Variants in FAM25A observed in about 807,000 individuals in gnomAD.
FAM25A encodes protein FAM25A.
In FAM25A, 5 loss-of-function variants were observed where a neutral mutation model predicts 6.6. The observed-to-expected ratio is 0.75, with a 90% CI of 0.39 to 1.59. FAM25A has a LOEUF of 1.59. Among genes scored for constraint, FAM25A ranks in the 40% most tolerant of loss-of-function variants. FAM25A has a pLI of 0.02. For synonymous variants in FAM25A, 36 were observed against 41.3 expected (o/e 0.87, Z 0.49); for missense variants, 93 against 109.7 (o/e 0.85, Z 0.68).
Position 87,022,365 on chromosome 10 carries a change from C to A in FAM25A, c.125C>A (p.Thr42Asn). Residue 42 changes from threonine (T) to asparagine (N), a missense_variant, in exon 2 of 3, where the codon ACT (threonine) becomes AAT (asparagine). Physicochemically the swap from Thr to Asn is moderately conservative, Grantham distance 65 (BLOSUM62 0). Coordinates refer to ENST00000343959, the MANE Select transcript of FAM25A (RefSeq NM_001146157.3). ...VKEVVGHAKE[T>N]GEKAIAEAIK... ...GAGGTGGTGGGACACGCCAAGGAGACTGGAGAGAAAGGTACAGCTGGCTGA... is the reference window on the plus strand; with the variant it reads ...GAGGTGGTGGGACACGCCAAGGAGAATGGAGAGAAAGGTACAGCTGGCTGA... The A allele has an allele frequency of 6.5e-7, 1 of 1,548,530 alleles. No individual in the cohort carries two copies. The highest frequency in any genetic ancestry group is 8.7e-7 in the Non-Finnish European group (1 of 1,146,676).
At position 87,021,564 on chromosome 10, in the gene FAM25A, C is replaced by CG. The variant is rs545442796; in HGVS notation, c.74-749dup. Among the ~76,000 whole-genome samples, 16 of 152,362 alleles carry CG rather than the reference C, an allele frequency of 1.1e-4. No individual in the cohort carries two copies. In the South Asian group the frequency reaches 3.1e-3, roughly 30 times the overall value. On this transcript the variant is annotated intron_variant, in intron 1 of 2. Coordinates refer to ENST00000343959, the MANE Select transcript of FAM25A (RefSeq NM_001146157.3). The stretch of plus-strand genomic sequence containing the variant: ...TCCGGGCCTTCGCAGCCTCCACACT[C>CG]GCGATGGCGCCCCGCTCCCATTTTC...
intron 1 of FAM25A, among the ~76,000 whole-genome samples, chr10:87,020,702 A>T (rs1357605561): frequency 6.6e-6 from 1 of 152,194 alleles, no homozygotes; most frequent in African/African-American, 2.4e-5. Flanking sequence ...CAGGAAAAGG[A>T]AGATGGATTT....
chr10:87,023,145 C>A (rs1266579737), intron 2 of FAM25A, among the ~76,000 whole-genome samples: 1 of 144,356 alleles, frequency 6.9e-6, no homozygotes, highest in Non-Finnish European at 1.5e-5. Context: ...GGCGTGAACC[C>A]GGAAGGCGGA....
intron 2 of FAM25A, 77 bp from the exon 3 acceptor site, chr10:87,024,464 C>T: frequency 6.5e-7 from 1 of 1,534,782 alleles, no homozygotes; most frequent in South Asian, 1.2e-5. Flanking sequence ...AAGATGGCCA[C>T]ATCCCACAGG....
rs1227051786 is a variant in FAM25A, at chr10:87,022,940, GA to G, written c.136+574del. 1.7e-3 allele frequency among the ~76,000 whole-genome samples: 152 copies of G among 91,372 alleles called. 1 individual carries two copies. Among genetic ancestry groups the G allele is most frequent in the African/African-American group, 4.7e-3 (114 of 24,080 alleles). The allele number at this position is 91,372 out of a possible 152,430, so 59.9% of individuals were successfully genotyped here. A position where few individuals can be genotyped will look rare whatever the true frequency, so the allele number is the denominator to read the frequency against. On this transcript the variant is annotated intron_variant, in intron 2 of 2. Coordinates refer to ENST00000343959, the MANE Select transcript of FAM25A (RefSeq NM_001146157.3). Reference sequence around the variant, plus strand: ...AGACTCGGTCTCAAAAAAAAAAAAAGAAAAAAAAAATTGCTGGGTGTGGTGG... The same window carrying G: ...AGACTCGGTCTCAAAAAAAAAAAAAGAAAAAAAAATTGCTGGGTGTGGTGG...
chr10:87,022,594 C>T (rs750632076), intron 2 of FAM25A, among the ~76,000 whole-genome samples: 8 of 152,190 alleles, frequency 5.3e-5, no homozygotes, highest in Non-Finnish European at 1.2e-4. Flanking sequence ...AATAAGAAGA[C>T]AAAGTCACAC....
At chr10:87,020,904 G>A (rs936078030) in intron 1 of FAM25A, among the ~76,000 whole-genome samples, 23 of 152,162 alleles carry the variant, frequency 1.5e-4, no homozygotes, top group African/African-American at 5.6e-4. Flanking sequence ...TCGGCTCACT[G>A]TAACCTCTGC....
At chr10:87,023,459 G>C (rs1845348963) in intron 2 of FAM25A, among the ~76,000 whole-genome samples, 1 of 152,188 alleles carries the variant, frequency 6.6e-6, no homozygotes, top group Non-Finnish European at 1.5e-5. Context: ...AGTGGCTCAC[G>C]CCTGTAATCC....
At chr10:87,022,674 C>T (rs1286012005) in intron 2 of FAM25A, among the ~76,000 whole-genome samples, 1 of 152,196 alleles carries the variant, frequency 6.6e-6, no homozygotes, top group Non-Finnish European at 1.5e-5. Context: ...CGCCTGTAAT[C>T]CCAGCCCTTT....
chr10:87,024,520 C>T lies in FAM25A; in HGVS notation c.137-21C>T, dbSNP rs1446870368. 6 of 1,535,714 alleles carry T rather than the reference C, an allele frequency of 3.9e-6. No individual in the cohort carries two copies. The African/African-American group carries it at 8.2e-5, about 21-fold the overall frequency. On this transcript the variant is annotated intron_variant, in intron 2 of 2. Coordinates refer to ENST00000343959, the MANE Select transcript of FAM25A (RefSeq NM_001146157.3). ...TCAGCGGGTGGATCACTAGGACATTCTTCCTCTTTCTTTCCAACAGCCATT... is the reference window on the plus strand; with the variant it reads ...TCAGCGGGTGGATCACTAGGACATTTTTCCTCTTTCTTTCCAACAGCCATT...
Position 87,024,588 on chromosome 10 carries a change from A to T in FAM25A, c.184A>T (p.Met62Leu). 1.0e-5 allele frequency: 16 copies of T among 1,535,808 alleles called. No individual in the cohort carries two copies. Among genetic ancestry groups the T allele is most frequent in the Middle Eastern group, 2.3e-4 (1 of 4,364 alleles). ...KKAQESGDKK[M>L]KEITETVTNT... The stretch of plus-strand genomic sequence containing the variant: ...AGCCCAAGAGTCAGGGGACAAAAAG[A>T]TGAAGGAAATCACTGAGACAGTGAC... The change falls in exon 3 of 3, where the codon ATG becomes TTG. Residue 62 changes from methionine to leucine, a missense_variant. Physicochemically the swap from Met to Leu is conservative, Grantham distance 15. Coordinates refer to ENST00000343959, the MANE Select transcript of FAM25A (RefSeq NM_001146157.3).
At position 87,020,412 on chromosome 10, in the gene FAM25A, C is replaced by T. The variant is rs1310324330; in HGVS notation, c.73+15C>T. On this transcript the variant is annotated intron_variant, in intron 1 of 2. Coordinates refer to ENST00000343959, the MANE Select transcript of FAM25A (RefSeq NM_001146157.3). ...CGAGGGAGCCAGTGAGGACCTGGGG[C>T]TCCTTTCTACCTGGGCTGGGGGGAT... 6.5e-6 allele frequency: 10 copies of T among 1,548,724 alleles called. No homozygotes were observed. The highest frequency in any genetic ancestry group is 4.4e-6 in the Non-Finnish European group (5 of 1,146,626).
intron 1 of FAM25A, 97 bp downstream of exon 1, chr10:87,020,494 A>G (rs1845320957): frequency 6.8e-7 from 1 of 1,465,640 alleles, no homozygotes; most frequent in Admixed American, 2.3e-5. Flanking sequence ...AGGACCTGGG[A>G]GGAGGCCTTG....
At chr10:87,021,250 A>G (rs1286019815) in intron 1 of FAM25A, among the ~76,000 whole-genome samples, 1 of 152,234 alleles carries the variant, frequency 6.6e-6, no homozygotes, top group African/African-American at 2.4e-5. Context: ...TCTAAATGGC[A>G]GCAGACGCGT....
chr10:87,023,440 G>A (rs912744267), intron 2 of FAM25A, among the ~76,000 whole-genome samples: 1 of 152,116 alleles, frequency 6.6e-6, no homozygotes, highest in Non-Finnish European at 1.5e-5. Flanking sequence ...AATACCATAG[G>A]CCAGGTGCAG....
chr10:87,021,273 A>G (rs1194648091), intron 1 of FAM25A, among the ~76,000 whole-genome samples: 2 of 152,044 alleles, frequency 1.3e-5, no homozygotes, highest in African/African-American at 4.8e-5. Context: ...TTTGTTTTTG[A>G]CTCTGCAGCT....
intron 2 of FAM25A, among the ~76,000 whole-genome samples, chr10:87,023,450 G>A (rs1845348769): frequency 6.6e-6 from 1 of 152,216 alleles, no homozygotes; most frequent in Non-Finnish European, 1.5e-5. Flanking sequence ...GCCAGGTGCA[G>A]TGGCTCACGC....
At chr10:87,021,596 A>G (rs1213458784) in intron 1 of FAM25A, among the ~76,000 whole-genome samples, 8 of 152,072 alleles carry the variant, frequency 5.3e-5, no homozygotes, top group African/African-American at 1.9e-4. Context: ...TTTCTCTCTC[A>G]AACTGTCTCT....
chr10:87,020,731 T>C (rs1344752103), intron 1 of FAM25A, among the ~76,000 whole-genome samples: 2 of 152,250 alleles, frequency 1.3e-5, no homozygotes, highest in Non-Finnish European at 2.9e-5. Context: ...ACCATAACTT[T>C]AAAGCTTCAA....
Sources: gnomAD v4.1 joint callset for allele counts (sites outside exome capture counted in the v4.1 genomes callset) on GRCh38, gnomAD v4.1.1 for gene constraint, MANE v1.5 for transcripts, NCBI Gene and HGNC (gene_info 2026-07-23, HGNC 2026-07-21) for gene names.